The following CMSS1 variants were observed in gnomAD, a reference collection of about 807,000 sequenced individuals.
CMSS1 encodes the protein protein CMSS1.
A neutral mutation model predicts 43.5 loss-of-function variants in CMSS1; 33 were observed. The ratio of observed to expected loss-of-function variants is 0.76; its 90% CI spans 0.57 to 1.01. The LOEUF (loss-of-function observed/expected upper bound fraction) is 1.01, where lower values mean the gene tolerates loss of function less well. Ranked by LOEUF, CMSS1 falls within the 50% of genes least tolerant of loss-of-function variation. The probability of loss-of-function intolerance (pLI) is 0.00; values close to 1 mark genes in which losing one functional copy is unlikely to be tolerated. For missense variants in CMSS1, 313 were observed against 326.4 expected (o/e 0.96, Z 0.32); for synonymous variants, 115 against 117.2 (o/e 0.98, Z 0.12).
chr3:100,062,110 T>C (rs2065579651), intron 1 of CMSS1, among the ~76,000 whole-genome samples: 1 of 72,378 alleles, frequency 1.4e-5, no homozygotes. Context: ...TTTTTTTTTT[T>C]TTTTTTTTTT....
chr3:99,968,329 C>T (rs1020835451), intron 1 of CMSS1, among the ~76,000 whole-genome samples: 9 of 150,656 alleles, frequency 6.0e-5, no homozygotes, highest in South Asian at 2.1e-4. Context: ...CTTAGGGGTA[C>T]GAGTGAGAAA....
intron 1 of CMSS1, among the ~76,000 whole-genome samples, chr3:99,827,981 G>A (rs1942568180): frequency 6.6e-6 from 1 of 152,126 alleles, no homozygotes; most frequent in Non-Finnish European, 1.5e-5. Flanking sequence ...TGCTAGCTTG[G>A]ATAAAAATGT....
chr3:100,014,895 C>CTTTTTTTTTTTTTTTTTTTTTTTTT (rs1233573719), intron 1 of CMSS1, among the ~76,000 whole-genome samples: 10 of 25,012 alleles, frequency 4.0e-4, no homozygotes, highest in East Asian at 1.3e-3. Context: ...TTCTTTCTTT[C>CTTTTTTTTTTTTTTTTTTTTTTTTT]TTTTTTTTTT....
chr3:99,872,062 C>T (rs901443839), intron 1 of CMSS1, among the ~76,000 whole-genome samples: 3 of 151,958 alleles, frequency 2.0e-5, no homozygotes, highest in African/African-American at 7.3e-5. Context: ...TTCTGTTCTC[C>T]TCTCTTCCTA....
intron 1 of CMSS1, among the ~76,000 whole-genome samples, chr3:100,110,256 G>A (rs1052454700): frequency 2.0e-5 from 3 of 152,154 alleles, no homozygotes; most frequent in African/African-American, 4.8e-5. Flanking sequence ...TTCATTTAGA[G>A]ATGTTAGGGG....
At chr3:99,865,259 G>A (rs1246414450) in intron 1 of CMSS1, among the ~76,000 whole-genome samples, 1 of 152,106 alleles carries the variant, frequency 6.6e-6, no homozygotes, top group Non-Finnish European at 1.5e-5. Flanking sequence ...TTTGCCACAG[G>A]TCCTGGTGAG....
intron 1 of CMSS1, among the ~76,000 whole-genome samples, chr3:99,979,025 A>G (rs1425412421): frequency 6.6e-6 from 1 of 152,160 alleles, no homozygotes. Flanking sequence ...TGTCTGTGGC[A>G]CTGTAGGGCG....
chr3:99,923,538 T>C (rs907842012), intron 1 of CMSS1, among the ~76,000 whole-genome samples: 6 of 152,228 alleles, frequency 3.9e-5, no homozygotes, highest in Non-Finnish European at 8.8e-5. Context: ...CTAATTCATA[T>C]TGACTAAACA....
intron 1 of CMSS1, among the ~76,000 whole-genome samples, chr3:100,137,439 T>C (rs895563314): frequency 1.3e-4 from 20 of 152,160 alleles, no homozygotes; most frequent in Admixed American, 3.9e-4. Flanking sequence ...CTATGAAATA[T>C]GTAAATAAAA....
chr3:100,103,085 C>G (rs2066336492), intron 1 of CMSS1, among the ~76,000 whole-genome samples: 2 of 152,228 alleles, frequency 1.3e-5, no homozygotes, highest in African/African-American at 4.8e-5. Context: ...GTACACAGAT[C>G]TAGTCTTTGT....
At chr3:100,106,895 C>G (rs531005379) in intron 1 of CMSS1, among the ~76,000 whole-genome samples, 12 of 152,086 alleles carry the variant, frequency 7.9e-5, no homozygotes, top group Non-Finnish European at 1.3e-4. Context: ...AATAAGATAA[C>G]AGAAGTATGC....
intron 1 of CMSS1, among the ~76,000 whole-genome samples, chr3:99,889,618 A>G (rs1706020739): frequency 6.6e-6 from 1 of 151,576 alleles, no homozygotes; most frequent in Admixed American, 6.6e-5. Flanking sequence ...CATTTGTACC[A>G]CCTTTTTGTT....
chr3:99,849,064 C>A (rs1420569525), intron 1 of CMSS1: 1 of 1,614,126 alleles, frequency 6.2e-7, no homozygotes, highest in Non-Finnish European at 8.5e-7. Context: ...CTGAAGATGG[C>A]CCTCCTTGGA....
At chr3:100,077,916 TAAG>T (rs2065875136) in intron 1 of CMSS1, among the ~76,000 whole-genome samples, 1 of 151,944 alleles carries the variant, frequency 6.6e-6, no homozygotes, top group South Asian at 2.1e-4. Flanking sequence ...TCAAAAAAAA[TAAG>T]AATAATAAGG....
At chr3:100,120,355 A>C (rs2066609285) in intron 1 of CMSS1, among the ~76,000 whole-genome samples, 1 of 152,210 alleles carries the variant, frequency 6.6e-6, no homozygotes. Flanking sequence ...TCTGAAATGT[A>C]GAGTAAAAGA....
At chr3:99,954,160 C>A (rs755281481) in intron 1 of CMSS1, among the ~76,000 whole-genome samples, 1 of 152,224 alleles carries the variant, frequency 6.6e-6, no homozygotes, top group African/African-American at 2.4e-5. Flanking sequence ...TATTGGTCTT[C>A]ATATTTCACA....
At chr3:99,883,236 C>G (rs752049328) in intron 1 of CMSS1, among the ~76,000 whole-genome samples, 1 of 152,204 alleles carries the variant, frequency 6.6e-6, no homozygotes, top group Non-Finnish European at 1.5e-5. Context: ...CCCAGCAAGT[C>G]CATTCCATTC....
At chr3:99,944,210 CCTAA>C (rs958000173) in intron 1 of CMSS1, among the ~76,000 whole-genome samples, 2 of 152,074 alleles carry the variant, frequency 1.3e-5, no homozygotes, top group East Asian at 1.9e-4. Flanking sequence ...TTATTTTGTG[CCTAA>C]CTGAGATGGA....
intron 1 of CMSS1, among the ~76,000 whole-genome samples, chr3:99,965,653 G>A (rs1003483607): frequency 4.6e-5 from 7 of 152,148 alleles, no homozygotes; most frequent in East Asian, 1.9e-4. Flanking sequence ...TGGCCAACTC[G>A]GAGATTCATT....
Sources: gnomAD v4.1 joint callset for allele counts (sites outside exome capture counted in the v4.1 genomes callset) on GRCh38, gnomAD v4.1.1 for gene constraint, MANE v1.5 for transcripts, NCBI Gene and HGNC (gene_info 2026-07-23, HGNC 2026-07-21) for gene names.